KCNAB1: variants seen among roughly 807,000 people sequenced by gnomAD.
The protein encoded by KCNAB1 is potassium voltage-gated channel subfamily A regulatory beta subunit 1.
Under a neutral mutation model 64.6 loss-of-function variants are expected in KCNAB1, and 35 were observed. That is an observed-to-expected ratio of 0.54 (90% CI 0.41 to 0.72). KCNAB1 has a LOEUF of 0.72. KCNAB1 is among the 30% of genes least tolerant of loss of function. KCNAB1 has a pLI of 0.00. For synonymous variants in KCNAB1, 177 were observed against 183.8 expected, an observed-to-expected ratio of 0.96 and a Z score of 0.30; for missense variants, 401 against 512.9, an observed-to-expected ratio of 0.78 and a Z score of 2.11.
chr3:156,262,134 A>T (rs1258719103), intron 1 of KCNAB1, among the ~76,000 whole-genome samples: 1 of 151,964 alleles, frequency 6.6e-6, no homozygotes, highest in African/African-American at 2.4e-5. Context: ...AGATTATGTC[A>T]TCTATGAATA....
At chr3:156,464,804 C>T (rs1460781083) in intron 6 of KCNAB1, among the ~76,000 whole-genome samples, 1 of 152,008 alleles carries the variant, frequency 6.6e-6, no homozygotes, top group African/African-American at 2.4e-5. Flanking sequence ...TTTCATTGCC[C>T]GAGCTTTGAT....
At chr3:156,237,089 AC>A (rs1458118834) in intron 1 of KCNAB1, among the ~76,000 whole-genome samples, 1 of 152,184 alleles carries the variant, frequency 6.6e-6, no homozygotes, top group Non-Finnish European at 1.5e-5. Flanking sequence ...CTCAGTACAC[AC>A]AATGTTTGAA....
intron 1 of KCNAB1, among the ~76,000 whole-genome samples, chr3:156,198,683 C>A (rs1714120487): frequency 7.0e-6 from 1 of 142,016 alleles, no homozygotes; most frequent in South Asian, 2.2e-4. Flanking sequence ...TTATTTTGAG[C>A]CTATGTGTGT....
At chr3:156,352,064 G>A (rs2108086738) in intron 1 of KCNAB1, among the ~76,000 whole-genome samples, 1 of 152,320 alleles carries the variant, frequency 6.6e-6, no homozygotes, top group African/African-American at 2.4e-5. Flanking sequence ...GCTTCCTGCA[G>A]CCATTTCAGC....
intron 1 of KCNAB1, among the ~76,000 whole-genome samples, chr3:156,196,464 TTG>T (rs1412516472): frequency 2.0e-5 from 3 of 152,220 alleles, no homozygotes; most frequent in Non-Finnish European, 4.4e-5. Flanking sequence ...TTCCATTTGT[TTG>T]TGTCCTCTCT....
chr3:156,259,542 T>C (rs906323650), intron 1 of KCNAB1, among the ~76,000 whole-genome samples: 2 of 152,318 alleles, frequency 1.3e-5, no homozygotes, highest in Non-Finnish European at 2.9e-5. Flanking sequence ...CAAACACTCC[T>C]GAACTTGCTG....
rs745967912 is a variant in KCNAB1, at chr3:156,131,107, T to A, written c.275+10221T>A. On this transcript the variant is annotated intron_variant, in intron 1 of 13. Transcript: ENST00000490337. ...AGACAGCAATAGCTGCCCAGGTCTT[T>A]CAAATTGTAGACTGTGGTTGTCACT... Among the ~76,000 whole-genome samples, 75 of 152,216 alleles carry A rather than the reference T, an allele frequency of 4.9e-4. 1 individual carries two copies. The highest frequency in any genetic ancestry group is 1.5e-4 in the Non-Finnish European group (10 of 68,036).
chr3:156,427,077 T>G (rs1481420801), intron 2 of KCNAB1, among the ~76,000 whole-genome samples: 1 of 151,858 alleles, frequency 6.6e-6, no homozygotes, highest in Non-Finnish European at 1.5e-5. Context: ...AAAGAATGAG[T>G]AGGGCTGGTG....
chr3:156,196,724 T>C (rs921965215), intron 1 of KCNAB1, among the ~76,000 whole-genome samples: 18 of 152,082 alleles, frequency 1.2e-4, no homozygotes, highest in Admixed American at 1.2e-3. Context: ...GATGATGGGG[T>C]TTTCTAAATA....
chr3:156,411,143 GTA>G (rs1196239031), intron 1 of KCNAB1, among the ~76,000 whole-genome samples: 2 of 152,078 alleles, frequency 1.3e-5, no homozygotes, highest in African/African-American at 4.8e-5. Flanking sequence ...TTTCTAATAA[GTA>G]TATAGTGGTA....
chr3:156,395,543 T>TAAAAAGAAA (rs1318444935), intron 1 of KCNAB1, among the ~76,000 whole-genome samples: 2 of 8,434 alleles, frequency 2.4e-4, no homozygotes, highest in East Asian at 3.8e-3. Context: ...AGACTCCGTC[T>TAAAAAGAAA]CAAAAAAAAA....
intron 1 of KCNAB1, among the ~76,000 whole-genome samples, chr3:156,258,958 AG>A (rs1338212513): frequency 7.2e-5 from 11 of 152,262 alleles, no homozygotes; most frequent in Non-Finnish European, 1.2e-4. Context: ...TCTGATGAGC[AG>A]GGAAATGGAA....
intron 4 of KCNAB1, 46 bp downstream of exon 4, chr3:156,457,578 C>G: frequency 6.7e-7 from 1 of 1,494,864 alleles, no homozygotes; most frequent in South Asian, 1.1e-5. Context: ...TCTGTAGCAC[C>G]AAAAGAATCA....
At chr3:156,352,255 T>G (rs2108087151) in intron 1 of KCNAB1, among the ~76,000 whole-genome samples, 1 of 152,370 alleles carries the variant, frequency 6.6e-6, no homozygotes, top group East Asian at 1.9e-4. Context: ...TTCCTCTGGC[T>G]GCCTCCCTTT....
At chr3:156,306,429 C>T (rs1446936840) in intron 1 of KCNAB1, among the ~76,000 whole-genome samples, 1 of 152,220 alleles carries the variant, frequency 6.6e-6, no homozygotes, top group African/African-American at 2.4e-5. Context: ...TTTGGTTGTA[C>T]TGGGGTAAGT....
rs139168632 is a variant in KCNAB1 at position 156,219,695 on chromosome 3, TTTATTATTATTATTATTA to T, written c.275+98832_275+98849del. On this transcript the variant is annotated intron_variant, in intron 1 of 13. Transcript: ENST00000490337. The stretch of plus-strand genomic sequence containing the variant: ...AGTCAAAAGCGAAGGAAGGAATCTT[TTTATTATTATTATTATTA>T]TTATTATTATTATTATTATTATACT... 2.0e-4 allele frequency among the ~76,000 whole-genome samples: 29 copies of T among 146,768 alleles called. No homozygotes were observed. In the East Asian group the frequency reaches 4.4e-3, roughly 22 times the overall value.
chr3:156,339,595 C>T (rs767399313), intron 1 of KCNAB1, among the ~76,000 whole-genome samples: 3 of 152,192 alleles, frequency 2.0e-5, no homozygotes, highest in African/African-American at 4.8e-5. Context: ...TACTTCAATC[C>T]ATGCAAAAGG....
chr3:156,187,307 A>C (rs1047094522), intron 1 of KCNAB1, among the ~76,000 whole-genome samples: 1 of 152,126 alleles, frequency 6.6e-6, no homozygotes, highest in African/African-American at 2.4e-5. Context: ...TAAATGAACT[A>C]CTGCTTATAA....
At chr3:156,165,196 T>C (rs1711506200) in intron 1 of KCNAB1, among the ~76,000 whole-genome samples, 1 of 134,250 alleles carries the variant, frequency 7.4e-6, no homozygotes, top group Non-Finnish European at 1.5e-5. Flanking sequence ...GAGAATGGCG[T>C]GAACCCGGGA....
Sources: allele counts gnomAD v4.1 joint callset (sites outside exome capture counted in the v4.1 genomes callset), GRCh38; gene constraint gnomAD v4.1.1; transcripts MANE v1.5; gene names NCBI Gene and HGNC (gene_info 2026-07-23, HGNC 2026-07-21).